CNBD1: variants seen among roughly 807,000 people sequenced by gnomAD.
CNBD1 encodes the protein cyclic nucleotide-binding domain-containing protein 1.
In CNBD1, 71 loss-of-function variants were observed where a neutral mutation model predicts 54.4. That is an observed-to-expected ratio of 1.30 (90% CI 1.08 to 1.59). The LOEUF (loss-of-function observed/expected upper bound fraction) is 1.59, where lower values mean the gene tolerates loss of function less well. Ranked by LOEUF, CNBD1 falls within the 40% of genes most tolerant of loss-of-function variation. The probability of loss-of-function intolerance (pLI) is 0.00; values close to 1 mark genes in which losing one functional copy is unlikely to be tolerated. For missense variants in CNBD1, 659 were observed against 518.0 expected, an observed-to-expected ratio of 1.27 and a Z score of -2.64; for synonymous variants, 182 against 170.7, an observed-to-expected ratio of 1.07 and a Z score of -0.51.
chr8:87,372,556 T>C lies in CNBD1; in HGVS notation c.1304-10064T>C, dbSNP rs574721572. On this transcript the variant is annotated intron_variant, in intron 10 of 10. Coordinates refer to ENST00000518476, the MANE Select transcript of CNBD1 (RefSeq NM_173538.3). ...AACGTGGTCTCCAAGATTAAGTTCT[T>C]AGAAGATTATGATAGGTAGAAAAGA... 1.2e-4 allele frequency among the ~76,000 whole-genome samples: 18 copies of C among 152,042 alleles called. No homozygotes were observed. In the South Asian group the frequency reaches 3.7e-3, roughly 31 times the overall value.
chr8:87,028,023 A>G (rs186049838), intron 4 of CNBD1, among the ~76,000 whole-genome samples: 1 of 152,198 alleles, frequency 6.6e-6, no homozygotes, highest in East Asian at 1.9e-4. Context: ...AAAGACATTC[A>G]CTTCCCTGGA....
chr8:87,411,538 T>A, intron 2 of CNBD1, among the ~76,000 whole-genome samples: 1 of 150,436 alleles, frequency 6.6e-6, no homozygotes, highest in African/African-American at 2.4e-5. Flanking sequence ...CTTGGAAATA[T>A]GTTAAGTACA....
At chr8:87,264,343 G>A (rs1361907695) in intron 6 of CNBD1, among the ~76,000 whole-genome samples, 5 of 152,050 alleles carry the variant, frequency 3.3e-5, no homozygotes, top group Non-Finnish European at 5.9e-5. Context: ...ATTTTTTATG[G>A]CTGCATAGTA....
At chr8:87,427,863 C>A (rs1808075898) in intron 2 of CNBD1, among the ~76,000 whole-genome samples, 1 of 151,914 alleles carries the variant, frequency 6.6e-6, no homozygotes, top group Non-Finnish European at 1.5e-5. Flanking sequence ...TTCAATAAAA[C>A]CTCATCCATA....
intron 4 of CNBD1, 113 bp downstream of exon 4, chr8:86,939,867 A>G (rs920808777): frequency 4.6e-6 from 3 of 646,450 alleles, no homozygotes; most frequent in African/African-American, 1.9e-5. Context: ...TACAGCACTC[A>G]TGGTTGATTC....
At chr8:87,333,124 C>A (rs1809870499) in intron 8 of CNBD1, among the ~76,000 whole-genome samples, 1 of 152,048 alleles carries the variant, frequency 6.6e-6, no homozygotes, top group Non-Finnish European at 1.5e-5. Context: ...ATTTTATTCT[C>A]TTCATAGCAA....
chr8:87,046,535 G>A (rs987187806), intron 4 of CNBD1, among the ~76,000 whole-genome samples: 1 of 152,154 alleles, frequency 6.6e-6, no homozygotes, highest in African/African-American at 2.4e-5. Context: ...CAATGCCTAG[G>A]GAGAATTAGG....
At chr8:87,320,151 C>T (rs1187822932) in intron 8 of CNBD1, among the ~76,000 whole-genome samples, 1 of 151,978 alleles carries the variant, frequency 6.6e-6, no homozygotes, top group Admixed American at 6.6e-5. Flanking sequence ...AAATTAAAAA[C>T]TGACTTGAAA....
intron 2 of CNBD1, among the ~76,000 whole-genome samples, chr8:86,891,701 T>C (rs1246474666): frequency 6.6e-6 from 1 of 152,122 alleles, no homozygotes; most frequent in Non-Finnish European, 1.5e-5. Flanking sequence ...ACAATATTAA[T>C]TCTTCTAATC....
intron 8 of CNBD1, among the ~76,000 whole-genome samples, chr8:87,346,801 C>A (rs914838922): frequency 5.3e-5 from 8 of 152,008 alleles, no homozygotes; most frequent in African/African-American, 1.9e-4. Context: ...ATTTATTTTC[C>A]TTTATTCCAA....
At chr8:87,203,773 A>G (rs1044940459) in intron 4 of CNBD1, among the ~76,000 whole-genome samples, 3 of 152,332 alleles carry the variant, frequency 2.0e-5, no homozygotes, top group African/African-American at 7.2e-5. Flanking sequence ...CATAAAAACC[A>G]GAAATATGAT....
At chr8:87,127,646 T>C (rs1438769440) in intron 4 of CNBD1, among the ~76,000 whole-genome samples, 2 of 152,198 alleles carry the variant, frequency 1.3e-5, no homozygotes, top group Non-Finnish European at 2.9e-5. Flanking sequence ...TCACTTTTTC[T>C]TGACTTTATG....
intron 2 of CNBD1, among the ~76,000 whole-genome samples, chr8:87,423,382 T>C (rs1474363019): frequency 6.6e-6 from 1 of 150,860 alleles, no homozygotes; most frequent in Non-Finnish European, 1.5e-5. Flanking sequence ...TTCCAGTTTT[T>C]GCCCATTCAG....
At chr8:86,970,521 G>C (rs919667982) in intron 4 of CNBD1, among the ~76,000 whole-genome samples, 50 of 151,960 alleles carry the variant, frequency 3.3e-4, no homozygotes, top group African/African-American at 1.2e-3. Flanking sequence ...ATATTGTATA[G>C]TGCTGAAGTT....
intron 8 of CNBD1, among the ~76,000 whole-genome samples, chr8:87,348,257 T>A (rs1810213947): frequency 6.6e-6 from 1 of 152,186 alleles, no homozygotes; most frequent in South Asian, 2.1e-4. Context: ...CTATAAATGC[T>A]ATCTATATTT....
chr8:86,942,531 C>T (rs1295734441), intron 4 of CNBD1, among the ~76,000 whole-genome samples: 1 of 152,132 alleles, frequency 6.6e-6, no homozygotes, highest in Non-Finnish European at 1.5e-5. Flanking sequence ...GCAGGGGGCC[C>T]CTCTTTCTAC....
intron 10 of CNBD1, among the ~76,000 whole-genome samples, chr8:87,366,035 G>A (rs1005827367): frequency 6.6e-6 from 1 of 152,020 alleles, no homozygotes; most frequent in African/African-American, 2.4e-5. Flanking sequence ...AATCTAGCCT[G>A]GTAAGAAGCC....
chr8:87,136,357 T>G lies in CNBD1; in HGVS notation c.432-69636T>G, dbSNP rs991824457. On this transcript the variant is annotated intron_variant, in intron 4 of 10. Coordinates refer to ENST00000518476, the MANE Select transcript of CNBD1 (RefSeq NM_173538.3). ...GTGGTATGATTCCTTGAATAACACA[T>G]GTAATTACTTTTAACATCTCAATTA... Among the ~76,000 whole-genome samples, 5 of 150,752 alleles carry G rather than the reference T, an allele frequency of 3.3e-5. No individual in the cohort carries two copies. In the East Asian group the frequency reaches 9.8e-4, roughly 29 times the overall value.
chr8:87,359,586 T>TCTTC (rs1367389122), intron 10 of CNBD1, among the ~76,000 whole-genome samples: 2 of 152,150 alleles, frequency 1.3e-5, no homozygotes, highest in Non-Finnish European at 2.9e-5. Context: ...TTTTCACATA[T>TCTTC]GAAGAACAAT....
Sources: allele counts gnomAD v4.1 joint callset (sites outside exome capture counted in the v4.1 genomes callset), GRCh38; gene constraint gnomAD v4.1.1; transcripts MANE v1.5; gene names NCBI Gene and HGNC (gene_info 2026-07-23, HGNC 2026-07-21).